RPH3AL: variants seen among roughly 807,000 people sequenced by gnomAD.
RPH3AL encodes the protein rabphilin 3A like (without C2 domains).
In RPH3AL, 38 loss-of-function variants were observed where a neutral mutation model predicts 43.1. The observed-to-expected ratio is 0.88, with a 90% CI of 0.68 to 1.15. The LOEUF is 1.15. RPH3AL is among the 50% of genes most tolerant of loss of function. The probability of loss-of-function intolerance (pLI) is 0.00; values close to 1 mark genes in which losing one functional copy is unlikely to be tolerated. For synonymous variants in RPH3AL, 189 were observed against 176.3 expected, an observed-to-expected ratio of 1.07 and a Z score of -0.57; for missense variants, 462 against 423.2, an observed-to-expected ratio of 1.09 and a Z score of -0.81.
intron 5 of RPH3AL, among the ~76,000 whole-genome samples, chr17:313,671 C>A (rs746185088): frequency 1.2e-4 from 19 of 152,188 alleles, no homozygotes; most frequent in Admixed American, 3.3e-4. Context: ...CTTCTCTATG[C>A]CCTGACCCTG....
chr17:351,327 C>T (rs28408761), intron 1 of RPH3AL, among the ~76,000 whole-genome samples: 2,170 of 152,242 alleles, frequency 0.014, 60 homozygotes, highest in African/African-American at 0.049. Flanking sequence ...AAGAAACACT[C>T]CCCTCCTCAA....
At chr17:321,549 GGGCAGCAGAGATGGCCCAGGT>G (rs2044473912) in intron 3 of RPH3AL, 134 bp from the exon 4 acceptor site, 25 of 999,508 alleles carry the variant, frequency 2.5e-5, no homozygotes, top group East Asian at 2.1e-4. Flanking sequence ...CGACGAGCGC[GGGCAGCAGAGATGGCCCAGGT>G]GGCAACAGAG....
chr17:234,528 A>G (rs2041317239), intron 7 of RPH3AL: 1 of 158,084 alleles, frequency 6.3e-6, no homozygotes, highest in Admixed American at 6.5e-5. Context: ...AATTTTAAGC[A>G]GTAGGCCAGA....
chr17:233,268 G>A (rs2041273872), intron 7 of RPH3AL, among the ~76,000 whole-genome samples: 1 of 152,130 alleles, frequency 6.6e-6, no homozygotes, highest in African/African-American at 2.4e-5. Context: ...TCCTCTGTAA[G>A]TTTCATTCCC....
At chr17:262,259 C>T (rs1370204229) in intron 6 of RPH3AL, among the ~76,000 whole-genome samples, 1 of 152,094 alleles carries the variant, frequency 6.6e-6, no homozygotes, top group East Asian at 1.9e-4. Context: ...CGCTCTGTCA[C>T]CCAGGCTGGA....
chr17:241,358 G>A lies in RPH3AL; in HGVS notation c.613+5753C>T, dbSNP rs371139419. ...CTGCAGCGAGCCATGATTGTGCCAC[G>A]GCACTCCATCCTGGGTGACAGAGCA... On this transcript the variant is annotated intron_variant, in intron 7 of 9. Coordinates refer to ENST00000331302, the MANE Select transcript of RPH3AL (RefSeq NM_006987.4). Among the ~76,000 whole-genome samples, 113 of 151,970 alleles carry A rather than the reference G, an allele frequency of 7.4e-4. No homozygotes were observed. The South Asian group carries it at 0.018, about 25-fold the overall frequency.
At chr17:275,803 T>A (rs1187733800) in intron 6 of RPH3AL, among the ~76,000 whole-genome samples, 3 of 152,218 alleles carry the variant, frequency 2.0e-5, no homozygotes. Flanking sequence ...CACCTTGGCC[T>A]CCCAAAGTGC....
chr17:350,631 AAC>A (rs1213206939), intron 1 of RPH3AL, among the ~76,000 whole-genome samples: 1 of 152,196 alleles, frequency 6.6e-6, no homozygotes, highest in Admixed American at 6.5e-5. Flanking sequence ...AAAAGTTCCA[AAC>A]ACAGTATCTG....
chr17:264,453 A>C lies in RPH3AL; in HGVS notation c.439-17168T>G, dbSNP rs2042275482. 7.1e-6 allele frequency among the ~76,000 whole-genome samples: 1 copy of C among 141,150 alleles called. No individual in the cohort carries two copies. Among genetic ancestry groups the C allele is most frequent in the African/African-American group, 2.6e-5 (1 of 38,364 alleles). The allele number at this position is 141,150 out of a possible 152,430, so 92.6% of individuals were successfully genotyped here. A position where few individuals can be genotyped will look rare whatever the true frequency, so the allele number is the denominator to read the frequency against. ...TCTGCAGCATGTTGACAGCAGGATTACCCTTCGGAGCCGCGAGCGCTGGAT... is the reference window on the plus strand; with the variant it reads ...TCTGCAGCATGTTGACAGCAGGATTCCCCTTCGGAGCCGCGAGCGCTGGAT... On this transcript the variant is annotated intron_variant, in intron 6 of 9. Coordinates refer to ENST00000331302, the MANE Select transcript of RPH3AL (RefSeq NM_006987.4). This position sits in a 1 kb window ranked among gnomAD's most constrained non-coding sequence, Gnocchi z 4.8.
At chr17:221,771 GCCTCCACTCAC>G (rs2040986128) in intron 7 of RPH3AL, among the ~76,000 whole-genome samples, 1 of 112,934 alleles carries the variant, frequency 8.9e-6, no homozygotes, top group Non-Finnish European at 1.8e-5. Context: ...CAGCTCTGAG[GCCTCCACTCAC>G]TGAGACAATA....
intron 7 of RPH3AL, among the ~76,000 whole-genome samples, chr17:240,280 C>T (rs1010972581): frequency 6.6e-6 from 1 of 151,200 alleles, no homozygotes; most frequent in Non-Finnish European, 1.5e-5. Flanking sequence ...CTATTCTCCA[C>T]CTTATGAATT....
intron 5 of RPH3AL, among the ~76,000 whole-genome samples, chr17:301,137 G>A (rs1402675719): frequency 2.6e-5 from 4 of 152,366 alleles, no homozygotes; most frequent in South Asian, 2.1e-4. Context: ...TGGATGCTCC[G>A]CCATAGGGGC....
chr17:270,497 G>C (rs1439774711), intron 6 of RPH3AL, among the ~76,000 whole-genome samples: 2 of 152,178 alleles, frequency 1.3e-5, no homozygotes, highest in South Asian at 2.1e-4. Context: ...GAGTCTCCCA[G>C]CTGGAAGACC....
chr17:295,395 A>T (rs1231777385), intron 5 of RPH3AL, among the ~76,000 whole-genome samples: 18 of 74,922 alleles, frequency 2.4e-4, no homozygotes, highest in Admixed American at 2.8e-4. Context: ...GGGACAGAGG[A>T]GCTGCAGAAA....
Position 319,501 on chromosome 17 carries a change from G to T in RPH3AL, c.270C>A (p.Asn90Lys). Residue 90 changes from asparagine to lysine, a missense_variant, in exon 5 of 10, where the codon AAC becomes AAA. Asn to Lys is a moderately conservative substitution (Grantham distance 94). Coordinates refer to ENST00000331302, the MANE Select transcript of RPH3AL (RefSeq NM_006987.4). Reference protein sequence around the residue: ...LETMRRNVMGNGLSQCLLCGE... With the variant: ...LETMRRNVMGKGLSQCLLCGE... Reference sequence around the variant, plus strand: ...CGCAGAGCAGACACTGGGACAGGCCGTTCCCCATCACATTCCGCCTCATGG... The same window carrying T: ...CGCAGAGCAGACACTGGGACAGGCCTTTCCCCATCACATTCCGCCTCATGG... The T allele has an allele frequency of 1.2e-6, 2 of 1,612,366 alleles. No homozygotes were observed. Among genetic ancestry groups the T allele is most frequent in the Non-Finnish European group, 1.7e-6 (2 of 1,179,964 alleles).
At chr17:325,338 A>G (rs575924540) in intron 3 of RPH3AL, among the ~76,000 whole-genome samples, 1 of 152,274 alleles carries the variant, frequency 6.6e-6, no homozygotes, top group African/African-American at 2.4e-5. Context: ...CCTCCGGAAC[A>G]TGAGTCTCTG....
At chr17:303,219 C>T (rs2043374449) in intron 5 of RPH3AL, among the ~76,000 whole-genome samples, 1 of 152,054 alleles carries the variant, frequency 6.6e-6, no homozygotes, top group African/African-American at 2.4e-5. Flanking sequence ...TAACAAGGCC[C>T]AGTCTCCACA....
At chr17:336,634 A>G (rs900689144) in intron 1 of RPH3AL, among the ~76,000 whole-genome samples, 3 of 152,112 alleles carry the variant, frequency 2.0e-5, no homozygotes, top group African/African-American at 4.8e-5. Flanking sequence ...CCATCCTTAC[A>G]GCCCAGGTCA....
At chr17:252,313 CA>C (rs1300412554) in intron 6 of RPH3AL, among the ~76,000 whole-genome samples, 1 of 152,094 alleles carries the variant, frequency 6.6e-6, no homozygotes, top group Non-Finnish European at 1.5e-5. Context: ...ACATACCTAG[CA>C]TACAAAATTA....
Sources: allele counts gnomAD v4.1 joint callset (sites outside exome capture counted in the v4.1 genomes callset), GRCh38; gene constraint gnomAD v4.1.1; non-coding constraint Gnocchi (gnomAD v3.1); transcripts MANE v1.5; gene names NCBI Gene and HGNC (gene_info 2026-07-23, HGNC 2026-07-21).